Variants in VANGL2 observed in about 807,000 individuals in gnomAD.
The protein encoded by VANGL2 is vang-like protein 2.
A neutral mutation model predicts 50.2 loss-of-function variants in VANGL2; 14 were observed. That is an observed-to-expected ratio of 0.28 (90% CI 0.18 to 0.44). The LOEUF (loss-of-function observed/expected upper bound fraction) is 0.44, where lower values mean the gene tolerates loss of function less well. Among genes scored for constraint, VANGL2 ranks in the 20% least tolerant of loss-of-function variants. VANGL2 has a pLI of 1.00. For synonymous variants in VANGL2, 295 were observed against 297.2 expected (o/e 0.99, Z 0.08); for missense variants, 533 against 701.5 (o/e 0.76, Z 2.71).
chr1:160,425,350 T>A lies in VANGL2; in HGVS notation c.1538T>A (p.Met513Lys). ...GATCCCAAGTCACACAAGTTTGTCATGAGGCTGCAGTCTGAGACCTCAGTG... is the reference window on the plus strand; with the variant it reads ...GATCCCAAGTCACACAAGTTTGTCAAGAGGCTGCAGTCTGAGACCTCAGTG... ...FVDPKSHKFV[M>K]RLQSETSV Residue 513 changes from methionine (M) to lysine (K), a missense_variant, in exon 8 of 8, where the codon ATG (methionine) becomes AAG (lysine). By Grantham distance (95) the Met-to-Lys change is moderately conservative. Coordinates refer to ENST00000368061, the MANE Select transcript of VANGL2 (RefSeq NM_020335.3). The A allele has an allele frequency of 6.6e-7, 1 of 1,506,144 alleles. No homozygotes were observed. Among genetic ancestry groups the A allele is most frequent in the Non-Finnish European group, 8.9e-7 (1 of 1,123,838 alleles). The allele number at this position is 1,506,144 out of a possible 1,614,324, so 93.3% of individuals were successfully genotyped here.
At chr1:160,407,182 G>C (rs1431099424) in intron 1 of VANGL2, among the ~76,000 whole-genome samples, 1 of 152,224 alleles carries the variant, frequency 6.6e-6, no homozygotes, top group African/African-American at 2.4e-5. Context: ...GCAGATATAA[G>C]GGATGGGAGA....
In VANGL2 at chr1:160,419,585, G is replaced by A. The variant is rs757927323; in HGVS notation, c.776G>A (p.Arg259His). 38 of 1,599,368 alleles carry A rather than the reference G, an allele frequency of 2.4e-5. No individual in the cohort carries two copies. Among genetic ancestry groups the A allele is most frequent in the Middle Eastern group, 1.7e-4 (1 of 5,774 alleles). ...GTGCGCTCCACCGACGGCGCCAGCC[G>A]CTTCTACAACGTTGGCCATCTCAGG... ...KVVRSTDGAS[R>H]FYNVGHLSIQ... The change falls in exon 4 of 8, where the codon CGC becomes CAC. Residue 259 changes from arginine to histidine, a missense_variant. By Grantham distance (29) the Arg-to-His change is conservative. Transcript: ENST00000368061. The surrounding 1 kb of genome is among the most constrained non-coding windows in gnomAD (Gnocchi z 5.8).
At position 160,426,775 on chromosome 1, in the gene VANGL2, CACATGGAGGACCTTTCT is replaced by C. The variant is rs1243637419; in HGVS notation, c.*1398_*1414del. 1 of 152,256 alleles carries C rather than the reference CACATGGAGGACCTTTCT, an allele frequency of 6.6e-6. No individual in the cohort carries two copies. The highest frequency in any genetic ancestry group is 2.4e-5 in the African/African-American group (1 of 41,436). The allele number at this position is 152,256 out of a possible 1,614,324, so 9.4% of individuals were successfully genotyped here. A position where few individuals can be genotyped will look rare whatever the true frequency, so the allele number is the denominator to read the frequency against. The stretch of plus-strand genomic sequence containing the variant: ...TACCCATATACATCCAGCCAGGATC[CACATGGAGGACCTTTCT>C]GATGGCTGCAATGACTAGGCCATTC... On this transcript the variant is annotated 3_prime_UTR_variant, in exon 8 of 8. Transcript: ENST00000368061.
chr1:160,403,710 C>T (rs1650559596), intron 1 of VANGL2, among the ~76,000 whole-genome samples: 1 of 152,178 alleles, frequency 6.6e-6, no homozygotes, highest in South Asian at 2.1e-4. Flanking sequence ...CATTGTGAGG[C>T]CAGAGAAAGG....
chr1:160,410,671 C>G (rs1025331334), intron 1 of VANGL2, among the ~76,000 whole-genome samples: 2 of 133,164 alleles, frequency 1.5e-5, no homozygotes, highest in African/African-American at 6.5e-5. Flanking sequence ...ACCCACCCCC[C>G]TTATACACAC....
At chr1:160,416,473 C>T (rs74123199) in intron 3 of VANGL2, among the ~76,000 whole-genome samples, 3,921 of 152,176 alleles carry the variant, frequency 0.026, 156 homozygotes, top group African/African-American at 0.09. Context: ...CTGGAGCTGC[C>T]GCCAGCCAGT....
In VANGL2 at chr1:160,411,238, G is replaced by C. The variant is rs1270563941; in HGVS notation, c.-190-4410G>C. On this transcript the variant is annotated intron_variant, in intron 1 of 7. Coordinates refer to ENST00000368061, the MANE Select transcript of VANGL2 (RefSeq NM_020335.3). ...TGTGTGTTTGTGTCTTGGGAAGTGG[G>C]GGGCAAGGTGAAAGGCAGTGGGGCA... is the stretch of plus-strand genomic sequence containing the variant. Among the ~76,000 whole-genome samples, 47 of 151,806 alleles carry C rather than the reference G, an allele frequency of 3.1e-4. 1 individual carries two copies. The highest frequency in any genetic ancestry group is 2.9e-5 in the Non-Finnish European group (2 of 67,950).
chr1:160,409,891 T>C (rs1650813698), intron 1 of VANGL2, among the ~76,000 whole-genome samples: 1 of 152,180 alleles, frequency 6.6e-6, no homozygotes, highest in African/African-American at 2.4e-5. Context: ...TCCTTGGACC[T>C]TGGCACTATG....
chr1:160,422,812 T>C (rs1187899564), intron 6 of VANGL2, among the ~76,000 whole-genome samples: 3 of 152,206 alleles, frequency 2.0e-5, no homozygotes, highest in African/African-American at 7.2e-5. Flanking sequence ...TTGAGTGTGT[T>C]TGACTTCCTT....
At chr1:160,416,241 T>C in intron 3 of VANGL2, 59 bp downstream of exon 3, 1 of 1,612,276 alleles carries the variant, frequency 6.2e-7, no homozygotes, top group African/African-American at 1.3e-5. Context: ...CCTGAGGGGC[T>C]GGAGGCTCCA....
At chr1:160,420,873 C>T (rs1397478381) in intron 5 of VANGL2, among the ~76,000 whole-genome samples, 179 bp from the exon 6 acceptor site, 6 of 152,174 alleles carry the variant, frequency 3.9e-5, no homozygotes, top group Admixed American at 3.9e-4. Flanking sequence ...CAGTGCCTTC[C>T]TTGTTGCTTT....
At position 160,416,313 on chromosome 1, in the gene VANGL2, T is replaced by C. The variant is rs1009161214; in HGVS notation, c.192+131T>C. The C allele has an allele frequency of 6.7e-6, 10 of 1,481,700 alleles. No homozygotes were observed. The African/African-American group carries it at 1.1e-4, about 16-fold the overall frequency. 91.8% of individuals were successfully genotyped at this position (1,481,700 alleles called of 1,614,324 possible). A position where few individuals can be genotyped will look rare whatever the true frequency, so the allele number is the denominator to read the frequency against. ...AGCCATCAGATCGGGGAGTGTGTTT[T>C]GTGTTACACTTAGCTTGGCTTAGTG... is the stretch of plus-strand genomic sequence containing the variant. On this transcript the variant is annotated intron_variant, in intron 3 of 7. Coordinates refer to ENST00000368061, the MANE Select transcript of VANGL2 (RefSeq NM_020335.3).
Position 160,411,351 on chromosome 1 carries a change from T to C in VANGL2, c.-190-4297T>C, listed in dbSNP as rs181850171. On this transcript the variant is annotated intron_variant, in intron 1 of 7. Coordinates refer to ENST00000368061, the MANE Select transcript of VANGL2 (RefSeq NM_020335.3). ...CCGGACTTCCCTCCCTGTCTCGTCA[T>C]CCCTCTTGACGTTTCCACTTGTTGA... 1.8e-3 allele frequency among the ~76,000 whole-genome samples: 269 copies of C among 151,922 alleles called. 2 individuals carry two copies. The highest frequency in any genetic ancestry group is 6.8e-3 in the Admixed American group (104 of 15,270).
chr1:160,403,088 G>C (rs144185738), intron 1 of VANGL2, among the ~76,000 whole-genome samples: 1 of 151,918 alleles, frequency 6.6e-6, no homozygotes, highest in Non-Finnish European at 1.5e-5. Context: ...GTAGGGGTTA[G>C]AAAATGTTTG....
At chr1:160,409,684 G>A (rs548393336) in intron 1 of VANGL2, among the ~76,000 whole-genome samples, 2 of 152,320 alleles carry the variant, frequency 1.3e-5, no homozygotes, top group South Asian at 2.1e-4. Context: ...TCTGAAGTGC[G>A]ACAGCTGTGT....
Position 160,415,852 on chromosome 1 carries a change from C to A in VANGL2, c.15C>A (p.Ser5=). The A allele has an allele frequency of 6.2e-7, 1 of 1,613,872 alleles. No individual in the cohort carries two copies. The highest frequency in any genetic ancestry group is 8.5e-7 in the Non-Finnish European group (1 of 1,179,942). ...GTTCAGACGCCATGGACACCGAGTCCCAGTACTCGGGCTATTCCTACAAGT... is the reference window on the plus strand; with the variant it reads ...GTTCAGACGCCATGGACACCGAGTCACAGTACTCGGGCTATTCCTACAAGT... MDTE[S]QYSGYSYKSG... Residue 5 remains serine (S), a synonymous_variant, in exon 2 of 8, where the codon TCC becomes TCA. Transcript: ENST00000368061.
intron 1 of VANGL2, among the ~76,000 whole-genome samples, chr1:160,410,702 AC>A (rs1650853050): frequency 6.6e-6 from 1 of 150,858 alleles, no homozygotes; most frequent in East Asian, 1.9e-4. Context: ...ACACACACGC[AC>A]GCACGCACGC....
At chr1:160,407,671 C>T (rs1650727786) in intron 1 of VANGL2, among the ~76,000 whole-genome samples, 1 of 152,162 alleles carries the variant, frequency 6.6e-6, no homozygotes, top group Admixed American at 6.5e-5. Context: ...AAGAGGGGGG[C>T]ATTTGTTTTT....
chr1:160,400,693 C>T lies in VANGL2; in HGVS notation c.-367C>T. 6.6e-6 allele frequency: 1 copy of T among 152,360 alleles called. No individual in the cohort carries two copies. The highest frequency in any genetic ancestry group is 1.5e-5 in the Non-Finnish European group (1 of 68,136). 9.4% of individuals were successfully genotyped at this position (152,360 alleles called of 1,614,324 possible). A position where few individuals can be genotyped will look rare whatever the true frequency, so the allele number is the denominator to read the frequency against. ...CGGGGCCTTGAGGGGGAAGAGGCAG[C>T]GGTCTGGGACGGAGCAGGGGGTGAC... On this transcript the variant is annotated 5_prime_UTR_variant, in exon 1 of 8. Transcript: ENST00000368061.
Sources: allele counts gnomAD v4.1 joint callset (sites outside exome capture counted in the v4.1 genomes callset), GRCh38; gene constraint gnomAD v4.1.1; non-coding constraint Gnocchi (gnomAD v3.1); transcripts MANE v1.5; gene names NCBI Gene and HGNC (gene_info 2026-07-23, HGNC 2026-07-21).